Variants in EXOC4 observed in about 807,000 individuals in gnomAD.
The protein encoded by EXOC4 is exocyst complex component 4, also known as SEC8-like 1.
EXOC4 carries 71 observed loss-of-function variants against 107.2 expected under a neutral mutation model. That is an observed-to-expected ratio of 0.66 (90% CI 0.55 to 0.81). EXOC4 has a LOEUF of 0.81. Among genes scored for constraint, EXOC4 ranks in the 30% least tolerant of loss-of-function variants. The probability of loss-of-function intolerance (pLI) is 0.00; values close to 1 mark genes in which losing one functional copy is unlikely to be tolerated. For missense variants in EXOC4, 1,108 were observed against 1,189.6 expected, an observed-to-expected ratio of 0.93 and a Z score of 1.01; for synonymous variants, 456 against 441.2, an observed-to-expected ratio of 1.03 and a Z score of -0.42.
chr7:133,314,658 G>A (rs1794949118), intron 4 of EXOC4, among the ~76,000 whole-genome samples: 1 of 152,160 alleles, frequency 6.6e-6, no homozygotes, highest in East Asian at 1.9e-4. Flanking sequence ...TCATAGAAGT[G>A]TGTACTATGA....
chr7:133,680,392 G>A (rs979004702), intron 10 of EXOC4, among the ~76,000 whole-genome samples: 4 of 152,054 alleles, frequency 2.6e-5, no homozygotes, highest in African/African-American at 7.2e-5. Flanking sequence ...ACTGAAATAG[G>A]CAGCCAGCAG....
intron 11 of EXOC4, among the ~76,000 whole-genome samples, chr7:133,830,825 G>C (rs1331973507): frequency 6.6e-6 from 1 of 152,098 alleles, no homozygotes; most frequent in African/African-American, 2.4e-5. Context: ...TTGCGTATAT[G>C]TGTGTGTGTA....
At chr7:133,874,442 C>G (rs1004147237) in intron 11 of EXOC4, among the ~76,000 whole-genome samples, 15 of 152,194 alleles carry the variant, frequency 9.9e-5, no homozygotes, top group Admixed American at 5.9e-4. Flanking sequence ...GGAGGCATAT[C>G]CAAGTTGAAT....
intron 10 of EXOC4, among the ~76,000 whole-genome samples, chr7:133,774,284 T>G (rs995217699): frequency 1.3e-5 from 2 of 152,108 alleles, no homozygotes; most frequent in African/African-American, 4.8e-5. Flanking sequence ...AATGGTTCAC[T>G]TGCTTTCTAA....
chr7:133,434,980 T>G (rs1342744529), intron 7 of EXOC4, among the ~76,000 whole-genome samples: 2 of 152,250 alleles, frequency 1.3e-5, no homozygotes, highest in Non-Finnish European at 2.9e-5. Flanking sequence ...AATCTGATTT[T>G]CAGTGTGGCT....
intron 9 of EXOC4, among the ~76,000 whole-genome samples, chr7:133,560,872 G>A (rs1011569111): frequency 6.6e-6 from 1 of 152,020 alleles, no homozygotes; most frequent in African/African-American, 2.4e-5. Context: ...CAATGAATTG[G>A]CATTTGTATC....
intron 10 of EXOC4, among the ~76,000 whole-genome samples, chr7:133,764,087 G>C (rs538886754): frequency 9.1e-4 from 139 of 152,192 alleles, no homozygotes; most frequent in African/African-American, 3.2e-3. Flanking sequence ...TTATAGGTTA[G>C]TTGTGAAGAT....
chr7:133,992,441 C>A (rs1434855659), intron 14 of EXOC4, among the ~76,000 whole-genome samples: 2 of 151,982 alleles, frequency 1.3e-5, no homozygotes, highest in African/African-American at 4.8e-5. Flanking sequence ...CGCCACCAAG[C>A]CCGGATAATT....
the EXOC4 span, among the ~76,000 whole-genome samples, chr7:134,088,149 G>A: frequency 6.6e-6 from 1 of 152,162 alleles, no homozygotes; most frequent in South Asian, 2.1e-4. Flanking sequence ...TGTAGACAAG[G>A]TACAAGGCCA....
At chr7:133,491,284 C>T (rs1799366857) in intron 9 of EXOC4, among the ~76,000 whole-genome samples, 1 of 152,180 alleles carries the variant, frequency 6.6e-6, no homozygotes, top group African/African-American at 2.4e-5. Flanking sequence ...GAATTGCAGC[C>T]AGTAATTTGC....
chr7:133,941,763 A>G (rs1310400232), intron 14 of EXOC4, among the ~76,000 whole-genome samples: 2 of 151,242 alleles, frequency 1.3e-5, no homozygotes, highest in East Asian at 1.9e-4. Flanking sequence ...AAGGACTTCA[A>G]GAGTGGCTGG....
At chr7:133,723,064 A>G (rs1469568969) in intron 10 of EXOC4, among the ~76,000 whole-genome samples, 1 of 152,224 alleles carries the variant, frequency 6.6e-6, no homozygotes. Flanking sequence ...TAAATTATTT[A>G]CCTGCTTTGG....
At chr7:133,715,639 G>A (rs910213607) in intron 10 of EXOC4, among the ~76,000 whole-genome samples, 3 of 151,940 alleles carry the variant, frequency 2.0e-5, no homozygotes, top group African/African-American at 7.3e-5. Flanking sequence ...TTCTTTGAGG[G>A]CCTTATCTCT....
At chr7:134,059,195 G>A (rs907996346) in intron 17 of EXOC4, among the ~76,000 whole-genome samples, 2 of 152,114 alleles carry the variant, frequency 1.3e-5, no homozygotes, top group East Asian at 1.9e-4. Context: ...TGCCATGGGC[G>A]GGAATAGTTT....
intron 10 of EXOC4, among the ~76,000 whole-genome samples, chr7:133,777,279 AAGAGAGAGAGAGAG>A (rs151199039): frequency 2.8e-3 from 5 of 1,784 alleles, no homozygotes; most frequent in South Asian, 0.056. Context: ...GAGAGAGAGA[AAGAGAGAGAGAGAG>A]AGAGAGAGAG....
At chr7:133,636,711 T>C (rs1802721438) in intron 10 of EXOC4, among the ~76,000 whole-genome samples, 1 of 152,184 alleles carries the variant, frequency 6.6e-6, no homozygotes, top group Non-Finnish European at 1.5e-5. Flanking sequence ...TATGAGCATT[T>C]TTCACTAGTA....
intron 10 of EXOC4, among the ~76,000 whole-genome samples, chr7:133,692,970 G>A (rs1794453189): frequency 6.6e-6 from 1 of 152,118 alleles, no homozygotes; most frequent in Non-Finnish European, 1.5e-5. Flanking sequence ...CCTTGTTTTG[G>A]ATAGGGAAAC....
chr7:133,776,658 C>G (rs1468328470), intron 10 of EXOC4, among the ~76,000 whole-genome samples: 2 of 152,094 alleles, frequency 1.3e-5, no homozygotes, highest in Non-Finnish European at 2.9e-5. Context: ...CTTAAATCAT[C>G]AACATATTAT....
chr7:133,939,767 A>C (rs1247186357), intron 14 of EXOC4, among the ~76,000 whole-genome samples: 1 of 152,188 alleles, frequency 6.6e-6, no homozygotes, highest in African/African-American at 2.4e-5. Context: ...TGGGCACAGT[A>C]TTACTTTTGA....
Sources: allele counts gnomAD v4.1 joint callset (sites outside exome capture counted in the v4.1 genomes callset), GRCh38; gene constraint gnomAD v4.1.1; transcripts MANE v1.5; gene names NCBI Gene and HGNC (gene_info 2026-07-23, HGNC 2026-07-21).